The following GLIS1 variants were observed in gnomAD, a reference collection of about 807,000 sequenced individuals.
GLIS1 encodes the protein zinc finger protein GLIS1.
In GLIS1, 24 loss-of-function variants were observed where a neutral mutation model predicts 63.8. That is an observed-to-expected ratio of 0.38 (90% CI 0.27 to 0.53). The LOEUF (loss-of-function observed/expected upper bound fraction) is 0.53. Ranked by LOEUF, GLIS1 falls within the 20% of genes least tolerant of loss-of-function variation. The pLI is 0.85. For missense variants in GLIS1, 1,036 were observed against 1,074.1 expected, an observed-to-expected ratio of 0.96 and a Z score of 0.50; for synonymous variants, 450 against 482.5, an observed-to-expected ratio of 0.93 and a Z score of 0.88.
intron 2 of GLIS1, among the ~76,000 whole-genome samples, chr1:53,637,808 AG>A (rs1170713744): frequency 1.3e-5 from 2 of 152,182 alleles, no homozygotes; most frequent in Non-Finnish European, 2.9e-5. Flanking sequence ...TACCAATTGC[AG>A]AGCTCTCACC....
rs1644615894 is a variant in GLIS1, at chr1:53,539,294, ACAC to A, written c.1321-9345_1321-9343del. Among the ~76,000 whole-genome samples, 1 of 150,398 alleles carries A rather than the reference ACAC, an allele frequency of 6.6e-6. No individual in the cohort carries two copies. The highest frequency in any genetic ancestry group is 6.6e-5 in the Admixed American group (1 of 15,056). ...CAGAAACTCCCTCACACACACACAC[ACAC>A]ACTACACCTAAACACACACACCCCA... On this transcript the variant is annotated intron_variant, in intron 4 of 10. Transcript: ENST00000628545. This position sits in a 1 kb window ranked among gnomAD's most constrained non-coding sequence, Gnocchi z 5.0.
chr1:53,726,726 C>A (rs1014797955), intron 2 of GLIS1, among the ~76,000 whole-genome samples: 1 of 152,142 alleles, frequency 6.6e-6, no homozygotes, highest in Non-Finnish European at 1.5e-5. Context: ...CCTCCCCCAG[C>A]CCTAGGGGAA....
chr1:53,598,722 TC>T lies in GLIS1; in HGVS notation c.437+1378del, dbSNP rs1645286364. ...CAATTCTGTTGTTTAAACCACCTAG[TC>T]CATGGCATTTGCTATGGCAGCCTAA... On this transcript the variant is annotated intron_variant, in intron 3 of 10. Transcript: ENST00000628545. The surrounding 1 kb of genome is among the most constrained non-coding windows in gnomAD (Gnocchi z 4.6). Among the ~76,000 whole-genome samples the T allele has an allele frequency of 6.6e-6, 1 of 152,134 alleles. No individual in the cohort carries two copies. Among genetic ancestry groups the T allele is most frequent in the South Asian group, 2.1e-4 (1 of 4,824 alleles).
At chr1:53,615,277 G>A (rs1011796365) in intron 2 of GLIS1, among the ~76,000 whole-genome samples, 8 of 152,260 alleles carry the variant, frequency 5.3e-5, no homozygotes, top group Middle Eastern at 3.4e-3. Flanking sequence ...GAGATAAGGC[G>A]GCTGGCAGGA....
intron 2 of GLIS1, among the ~76,000 whole-genome samples, chr1:53,688,154 C>T (rs995024826): frequency 5.9e-5 from 9 of 152,222 alleles, no homozygotes; most frequent in African/African-American, 1.9e-4. Flanking sequence ...GCTCTCGGTC[C>T]CTGATTCAAG....
At chr1:53,532,398 G>C (rs773481183) in intron 4 of GLIS1, among the ~76,000 whole-genome samples, 1 of 152,288 alleles carries the variant, frequency 6.6e-6, no homozygotes, top group Middle Eastern at 3.4e-3. Context: ...CTCCCTCTGC[G>C]CCTGTCCCCT....
intron 2 of GLIS1, among the ~76,000 whole-genome samples, chr1:53,620,652 T>C (rs1016277536): frequency 1.3e-5 from 2 of 152,158 alleles, no homozygotes; most frequent in Admixed American, 6.5e-5. Context: ...CAAAGGCCCA[T>C]TAACATGGAC....
At chr1:53,627,706 T>G (rs1009099277) in intron 2 of GLIS1, among the ~76,000 whole-genome samples, 7 of 152,210 alleles carry the variant, frequency 4.6e-5, no homozygotes, top group African/African-American at 1.7e-4. Flanking sequence ...AGGGCCAATG[T>G]GCCTGGCTGG....
In GLIS1 at chr1:53,594,817, C is replaced by A; in HGVS notation, c.611G>T (p.Arg204Leu). The change falls in exon 4 of 11, where the codon CGA (arginine) becomes CTA (leucine). Residue 204 changes from arginine to leucine, a missense_variant. By Grantham distance (102) the Arg-to-Leu change is moderately radical. Around this residue, in one of 3 missense-constraint regions of GLIS1, gnomAD observed 592 missense variants for 593.9 expected, o/e 1.00. Transcript: ENST00000628545. ...GGAAGGCGCAGGGGTGGCGAGGCTT[C>A]GGCCCGGGAGGTCCAGGTCTGGGTG... ...GLHPDLDLPG[R>L]SLATPAPSCY... 6.2e-7 allele frequency: 1 copy of A among 1,605,828 alleles called. No individual in the cohort carries two copies. Among genetic ancestry groups the A allele is most frequent in the South Asian group, 1.1e-5 (1 of 89,772 alleles).
At chr1:53,638,735 C>T (rs1645754085) in intron 2 of GLIS1, among the ~76,000 whole-genome samples, 1 of 152,200 alleles carries the variant, frequency 6.6e-6, no homozygotes, top group African/African-American at 2.4e-5. Flanking sequence ...GAACCCCCCA[C>T]ACCCAGAACA....
Position 53,539,248 on chromosome 1 carries a change from A to T in GLIS1, c.1321-9296T>A, listed in dbSNP as rs571289976. Among the ~76,000 whole-genome samples the T allele has an allele frequency of 0.018, 1,946 of 109,218 alleles. 15 individuals carry two copies. The highest frequency in any genetic ancestry group is 0.031 in the Non-Finnish European group (1,424 of 45,566). 71.7% of individuals were successfully genotyped at this position (109,218 alleles called of 152,430 possible). A position where few individuals can be genotyped will look rare whatever the true frequency, so the allele number is the denominator to read the frequency against. Reference sequence around the variant, plus strand: ...CACCAACACACACACATGGATTCACACACACACACACACCAAGACCCAGAA... The same window carrying T: ...CACCAACACACACACATGGATTCACTCACACACACACACCAAGACCCAGAA... On this transcript the variant is annotated intron_variant, in intron 4 of 10. Coordinates refer to ENST00000628545, the MANE Select transcript of GLIS1 (RefSeq NM_001367484.1). The surrounding 1 kb of genome is among the most constrained non-coding windows in gnomAD (Gnocchi z 5.0).
intron 4 of GLIS1, among the ~76,000 whole-genome samples, chr1:53,531,177 G>C (rs1432150886): frequency 2.6e-5 from 4 of 152,224 alleles, no homozygotes; most frequent in African/African-American, 2.4e-5. Flanking sequence ...GAAGGGACCA[G>C]AGGAGGCTGG....
intron 2 of GLIS1, among the ~76,000 whole-genome samples, chr1:53,613,362 A>G (rs1203727812): frequency 6.6e-6 from 1 of 152,262 alleles, no homozygotes; most frequent in Non-Finnish European, 1.5e-5. Context: ...CTTCATGTCC[A>G]TCCATATTTA....
chr1:53,686,414 GCTT>G (rs1252011337), intron 2 of GLIS1, among the ~76,000 whole-genome samples: 14 of 152,196 alleles, frequency 9.2e-5, no homozygotes, highest in African/African-American at 3.4e-4. Context: ...CATCCGCAGT[GCTT>G]TCTCCCTCCA....
At chr1:53,524,432 G>A (rs754541908) in intron 6 of GLIS1, among the ~76,000 whole-genome samples, 6 of 152,250 alleles carry the variant, frequency 3.9e-5, no homozygotes, top group Non-Finnish European at 7.3e-5. Flanking sequence ...AAGCGGGGAC[G>A]TGCTTTTTCA....
At chr1:53,649,535 C>T (rs886611166) in intron 2 of GLIS1, among the ~76,000 whole-genome samples, 6 of 152,130 alleles carry the variant, frequency 3.9e-5, no homozygotes, top group African/African-American at 1.4e-4. Flanking sequence ...TTGAATAACA[C>T]CATAGGACCC....
intron 3 of GLIS1, among the ~76,000 whole-genome samples, chr1:53,597,193 A>C (rs1161457038): frequency 2.7e-5 from 4 of 145,852 alleles, no homozygotes; most frequent in African/African-American, 5.0e-5. Context: ...AAAAAAAAAA[A>C]AAAAAAAAAA....
At chr1:53,730,165 T>C (rs1646845793) in intron 2 of GLIS1, among the ~76,000 whole-genome samples, 1 of 152,164 alleles carries the variant, frequency 6.6e-6, no homozygotes, top group African/African-American at 2.4e-5. Context: ...ACCGTCGTCT[T>C]GGGATGGGCC....
intron 2 of GLIS1, among the ~76,000 whole-genome samples, chr1:53,658,038 C>A (rs1224544899): frequency 6.6e-6 from 1 of 152,144 alleles, no homozygotes; most frequent in Non-Finnish European, 1.5e-5. Flanking sequence ...TTGATCACCC[C>A]TCCAGCCACC....
Sources: gnomAD v4.1 joint callset for allele counts (sites outside exome capture counted in the v4.1 genomes callset) on GRCh38, gnomAD v4.1.1 for gene constraint, gnomAD v4.1.1 regional missense constraint, Gnocchi (gnomAD v3.1) non-coding constraint, MANE v1.5 for transcripts, NCBI Gene and HGNC (gene_info 2026-07-23, HGNC 2026-07-21) for gene names.